Variants in ELN observed in about 807,000 individuals in gnomAD.
The protein encoded by ELN is elastin.
Under a neutral mutation model 105.8 loss-of-function variants are expected in ELN, and 65 were observed. The ratio of observed to expected loss-of-function variants is 0.61; its 90% CI spans 0.50 to 0.75. The LOEUF (loss-of-function observed/expected upper bound fraction) is 0.75, where lower values mean the gene tolerates loss of function less well. ELN is among the 30% of genes least tolerant of loss of function. ELN has a pLI of 0.00. For synonymous variants in ELN, 368 were observed against 389.2 expected (o/e 0.95, Z 0.64); for missense variants, 882 against 969.4 (o/e 0.91, Z 1.20).
chr7:74,057,574 C>G, intron 21 of ELN, 66 bp from the exon 22 acceptor site: 4 of 1,609,138 alleles, frequency 2.5e-6, no homozygotes, highest in Admixed American at 1.7e-5. Context: ...AAGACTGAGC[C>G]TAGAGATGGG....
chr7:74,048,509 G>A lies in ELN; in HGVS notation c.752G>A (p.Gly251Asp), dbSNP rs782225578. ...CTCTGCTTCCTTCCCCCAGGGGTTGGCCCCCAGGCAGCAGCAGCAGCGGCA... is the reference window on the plus strand; with the variant it reads ...CTCTGCTTCCTTCCCCCAGGGGTTGACCCCCAGGCAGCAGCAGCAGCGGCA... Reference protein sequence around the residue: ...KAGYPTGTGVGPQAAAAAAAK... With the variant: ...KAGYPTGTGVDPQAAAAAAAK... Residue 251 changes from glycine (G) to aspartate (D), a missense_variant, in exon 15 of 33, where the codon GGC becomes GAC. Gly to Asp is a moderately conservative substitution (Grantham distance 94, BLOSUM62 -1). Coordinates refer to ENST00000252034, the MANE Select transcript of ELN (RefSeq NM_000501.4). 1.5e-5 allele frequency: 24 copies of A among 1,613,972 alleles called. No individual in the cohort carries two copies. The highest frequency in any genetic ancestry group is 1.9e-5 in the Non-Finnish European group (23 of 1,179,928).
At chr7:74,028,292 C>T in intron 1 of ELN, 23 bp downstream of exon 1, 6 of 1,597,816 alleles carry the variant, frequency 3.8e-6, no homozygotes, top group Non-Finnish European at 5.1e-6. Flanking sequence ...CGCCCCTGTC[C>T]CCAGCGCTGC....
At chr7:74,068,535 G>A in intron 32 of ELN, 122 bp from the exon 33 acceptor site, 1 of 1,224,772 alleles carries the variant, frequency 8.2e-7, no homozygotes, top group South Asian at 1.3e-5. Flanking sequence ...TTGGCCTGGG[G>A]CCATGACTTG....
At chr7:74,054,058 T>C (rs1347927619) in intron 18 of ELN, among the ~76,000 whole-genome samples, 2 of 151,722 alleles carry the variant, frequency 1.3e-5, no homozygotes, top group Non-Finnish European at 1.5e-5. Flanking sequence ...AAATGCAAAA[T>C]GGATGGTTGG....
chr7:74,037,128 C>T (rs564793322), intron 3 of ELN, among the ~76,000 whole-genome samples: 30 of 151,740 alleles, frequency 2.0e-4, no homozygotes, highest in African/African-American at 6.3e-4. Flanking sequence ...GCCCCTTGCC[C>T]GGCCCCTTCC....
chr7:74,067,519 G>A (rs1272919352), intron 32 of ELN, among the ~76,000 whole-genome samples: 3 of 151,470 alleles, frequency 2.0e-5, no homozygotes, highest in African/African-American at 7.3e-5. Context: ...GCCCGCCTCG[G>A]CCTCCCAAAG....
chr7:74,066,728 G>T lies in ELN; in HGVS notation c.2087-4G>T. On this transcript the variant is annotated splice_polypyrimidine_tract_variant and splice_region_variant and intron_variant, in intron 31 of 32. Transcript: ENST00000252034. ...AACCCACCAACCTGAAATCTCTCCT[G>T]CAGGAGTGGCAGCAAGACCTGGCTT... 6.2e-7 allele frequency: 1 copy of T among 1,613,904 alleles called. No homozygotes were observed. The highest frequency in any genetic ancestry group is 1.1e-5 in the South Asian group (1 of 91,082).
At chr7:74,035,438 C>G in intron 2 of ELN, 24 bp downstream of exon 2, 2 of 1,613,916 alleles carry the variant, frequency 1.2e-6, no homozygotes, top group South Asian at 2.2e-5. Context: ...AACTTCCACA[C>G]ACCCAGGTCA....
intron 1 of ELN, among the ~76,000 whole-genome samples, chr7:74,033,366 C>A (rs549461814): frequency 1.3e-5 from 2 of 152,144 alleles, no homozygotes; most frequent in East Asian, 3.9e-4. Flanking sequence ...GGAGAGAGGC[C>A]GAGGCAGAGA....
intron 20 of ELN, 70 bp from the exon 21 acceptor site, chr7:74,056,602 C>A: frequency 1.2e-6 from 2 of 1,612,052 alleles, no homozygotes; most frequent in South Asian, 2.2e-5. Context: ...GGCAGAAGAG[C>A]TTTAAACACG....
chr7:74,046,606 G>A, intron 11 of ELN, 90 bp from the exon 12 acceptor site: 1 of 1,391,494 alleles, frequency 7.2e-7, no homozygotes, highest in Non-Finnish European at 1.0e-6. Flanking sequence ...GCTGTAGCAA[G>A]CTCCTTCTGT....
At chr7:74,057,127 A>T (rs1202092706) in intron 21 of ELN, among the ~76,000 whole-genome samples, 1 of 152,170 alleles carries the variant, frequency 6.6e-6, no homozygotes, top group Non-Finnish European at 1.5e-5. Flanking sequence ...AGTCCCAGCT[A>T]CTTGGGAGGC....
chr7:74,038,564 G>T (rs1333453895), intron 4 of ELN, among the ~76,000 whole-genome samples: 1 of 152,254 alleles, frequency 6.6e-6, no homozygotes, highest in Non-Finnish European at 1.5e-5. Flanking sequence ...AGGAAGGAAG[G>T]TGGGGCAGGT....
In ELN at chr7:74,043,911, G is replaced by A. The variant is rs145669576; in HGVS notation, c.460G>A (p.Val154Met). ...VGLPGVYPGGVLPGARFPGVG... is the reference protein window; with the variant it reads ...VGLPGVYPGGMLPGARFPGVG... ...GCTGCCAGGTGTATACCCAGGTGGC[G>A]TGCTCCCAGGTGAGAGCAAGGAGGG... is the stretch of plus-strand genomic sequence containing the variant. Residue 154 changes from valine (V) to methionine (M), a missense_variant, in exon 9 of 33, where the codon GTG becomes ATG. Physicochemically the swap from Val to Met is conservative, Grantham distance 21. Transcript: ENST00000252034. 318 of 1,613,938 alleles carry A rather than the reference G, an allele frequency of 2.0e-4. No individual in the cohort carries two copies. Among genetic ancestry groups the A allele is most frequent in the Middle Eastern group, 8.2e-4 (5 of 6,078 alleles).
At position 74,053,214 on chromosome 7, in the gene ELN, T is replaced by C. The variant is rs1554677326; in HGVS notation, c.1001T>C (p.Val334Ala). 2 of 1,614,028 alleles carry C rather than the reference T, an allele frequency of 1.2e-6. No homozygotes were observed. The highest frequency in any genetic ancestry group is 1.7e-6 in the Non-Finnish European group (2 of 1,179,994). ...PGGPGFGPGV[V>A]GVPGAGVPGV... ...GGGCCAGGCTTTGGCCCGGGAGTAG[T>C]TGGTGTCCCAGGAGCTGGCGTTCCA... The change falls in exon 18 of 33, where the codon GTT (valine) becomes GCT (alanine). Residue 334 changes from valine to alanine, a missense_variant. Physicochemically the swap from Val to Ala is moderately conservative, Grantham distance 64. Transcript: ENST00000252034.
In ELN at chr7:74,051,988, G is replaced by A. The variant is rs1186175643; in HGVS notation, c.949+5G>A. 3.7e-6 allele frequency: 6 copies of A among 1,612,894 alleles called. No individual in the cohort carries two copies. Among genetic ancestry groups the A allele is most frequent in the Middle Eastern group, 1.8e-4 (1 of 5,528 alleles). On this transcript the variant is annotated splice_donor_5th_base_variant and intron_variant, in intron 17 of 32. Coordinates refer to ENST00000252034, the MANE Select transcript of ELN (RefSeq NM_000501.4). ...CCGCTAAGGCAGCCAAGTATGGTGA[G>A]TGCCTCCCGGGGTGGCAAGTCCACG...
chr7:74,060,992 G>A (rs1190202162), intron 25 of ELN, 109 bp from the exon 26 acceptor site: 13 of 1,328,506 alleles, frequency 9.8e-6, no homozygotes, highest in Non-Finnish European at 1.4e-5. Flanking sequence ...GGGCTTTGAG[G>A]AAGCAATAGA....
Position 74,057,454 on chromosome 7 carries a change from C to T in ELN, c.1358-186C>T, listed in dbSNP as rs782074494. On this transcript the variant is annotated intron_variant, in intron 21 of 32. Coordinates refer to ENST00000252034, the MANE Select transcript of ELN (RefSeq NM_000501.4). ...GGCGCAGTCCCAGGTGTGCCGGGCA[C>T]GGGAGGAGTGCCAGGTGAGCTGTGT... 3.6e-5 allele frequency: 56 copies of T among 1,544,574 alleles called. No homozygotes were observed. In the East Asian group the frequency reaches 6.3e-4, roughly 17 times the overall value.
rs138880080 is a variant in ELN at position 74,056,869 on chromosome 7, C to G, written c.1357+156C>G. 2.6e-5 allele frequency among the ~76,000 whole-genome samples: 4 copies of G among 152,308 alleles called. No homozygotes were observed. In the East Asian group the frequency reaches 5.8e-4, roughly 22 times the overall value. ...CCATCTTCCAAAGCCACACTCCACT[C>G]TTACTGTCCTTTTCAGATGCCCCCT... On this transcript the variant is annotated intron_variant, in intron 21 of 32. Transcript: ENST00000252034.
Sources: gnomAD v4.1 joint callset for allele counts (sites outside exome capture counted in the v4.1 genomes callset) on GRCh38, gnomAD v4.1.1 for gene constraint, MANE v1.5 for transcripts, NCBI Gene and HGNC (gene_info 2026-07-23, HGNC 2026-07-21) for gene names.